Variants in GUCA1C observed in about 807,000 individuals in gnomAD.
GUCA1C encodes the protein guanylyl cyclase-activating protein 3.
Under a neutral mutation model 16.2 loss-of-function variants are expected in GUCA1C, and 15 were observed. The ratio of observed to expected loss-of-function variants is 0.93; its 90% CI spans 0.62 to 1.43. The LOEUF (loss-of-function observed/expected upper bound fraction) is 1.43. GUCA1C is among the 40% of genes most tolerant of loss of function. GUCA1C has a pLI of 0.00. For synonymous variants in GUCA1C, 78 were observed against 85.4 expected (o/e 0.91, Z 0.48); for missense variants, 275 against 244.8 (o/e 1.12, Z -0.82).
rs115133110 is a variant in GUCA1C at position 108,944,582 on chromosome 3, G to A, written c.204+8977C>T. Among the ~76,000 whole-genome samples the A allele has an allele frequency of 3.1e-3, 471 of 152,294 alleles. 8 individuals are homozygous for A. The highest frequency in any genetic ancestry group is 0.011 in the African/African-American group (460 of 41,548). ...CAGCCCGCCACCACTGGGCCATGCA[G>A]TTATGTTGTGCAGCCCCTGCCACTG... On this transcript the variant is annotated intron_variant, in intron 1 of 3. Coordinates refer to ENST00000261047, the MANE Select transcript of GUCA1C (RefSeq NM_005459.4).
intron 1 of GUCA1C, 59 bp downstream of exon 1, chr3:108,953,500 A>G: frequency 1.7e-6 from 2 of 1,154,928 alleles, no homozygotes; most frequent in Admixed American, 2.0e-5. Context: ...AAAAAAAAAA[A>G]AAGGGAAGAG....
chr3:108,927,120 CT>C (rs1471550855), intron 1 of GUCA1C, among the ~76,000 whole-genome samples: 3 of 152,172 alleles, frequency 2.0e-5, no homozygotes, highest in Non-Finnish European at 4.4e-5. Flanking sequence ...TAGATTTTCC[CT>C]TATAGGTTGC....
At chr3:108,919,781 C>T (rs369803670) in intron 2 of GUCA1C, among the ~76,000 whole-genome samples, 2 of 152,240 alleles carry the variant, frequency 1.3e-5, no homozygotes, top group East Asian at 3.9e-4. Context: ...AATTCTAATG[C>T]TCTTTGAGTC....
At chr3:108,927,465 G>A (rs1418443743) in intron 1 of GUCA1C, among the ~76,000 whole-genome samples, 1 of 140,038 alleles carries the variant, frequency 7.1e-6, no homozygotes, top group East Asian at 2.0e-4. Flanking sequence ...GACTGATTGG[G>A]TTAATTCAAA....
intron 2 of GUCA1C, among the ~76,000 whole-genome samples, chr3:108,919,760 C>T (rs12633574): frequency 6.6e-6 from 1 of 152,110 alleles, no homozygotes; most frequent in Non-Finnish European, 1.5e-5. Context: ...CAGATCATTT[C>T]TAAGACATCT....
At chr3:108,951,337 A>C (rs1946893995) in intron 1 of GUCA1C, among the ~76,000 whole-genome samples, 1 of 152,208 alleles carries the variant, frequency 6.6e-6, no homozygotes, top group South Asian at 2.1e-4. Context: ...ATGGATGTTA[A>C]TTTGCTTCAT....
chr3:108,954,237 C>A (rs1946927855), upstream of GUCA1C, among the ~76,000 whole-genome samples: 2 of 151,994 alleles, frequency 1.3e-5, no homozygotes, highest in African/African-American at 4.8e-5. Flanking sequence ...AAAGTTTCTG[C>A]CTTTTCATAC....
chr3:108,948,621 T>C (rs1228820220), intron 1 of GUCA1C, among the ~76,000 whole-genome samples: 1 of 152,196 alleles, frequency 6.6e-6, no homozygotes, highest in Non-Finnish European at 1.5e-5. Context: ...GCTCGATAAT[T>C]TCCTCTCAGA....
intron 2 of GUCA1C, among the ~76,000 whole-genome samples, chr3:108,916,463 T>C (rs1438071396): frequency 6.6e-6 from 1 of 152,148 alleles, no homozygotes; most frequent in Non-Finnish European, 1.5e-5. Flanking sequence ...ATTCAACATA[T>C]TAGATCACAA....
At chr3:108,920,868 C>A (rs1300532492) in intron 1 of GUCA1C, among the ~76,000 whole-genome samples, 1 of 152,114 alleles carries the variant, frequency 6.6e-6, no homozygotes, top group Non-Finnish European at 1.5e-5. Flanking sequence ...CCTGTATACT[C>A]CCCGTCCCCA....
At chr3:108,942,422 G>C (rs963620520) in intron 1 of GUCA1C, among the ~76,000 whole-genome samples, 5 of 152,082 alleles carry the variant, frequency 3.3e-5, no homozygotes, top group African/African-American at 9.7e-5. Flanking sequence ...TGCTTATACT[G>C]TCTTGCTTTA....
intron 1 of GUCA1C, among the ~76,000 whole-genome samples, chr3:108,922,563 G>A (rs1267969376): frequency 1.3e-5 from 2 of 151,854 alleles, no homozygotes; most frequent in Admixed American, 1.3e-4. Context: ...TTGCATTGTG[G>A]TTTTGATTTA....
chr3:108,952,236 G>C (rs1310899557), intron 1 of GUCA1C, among the ~76,000 whole-genome samples: 5 of 152,190 alleles, frequency 3.3e-5, no homozygotes, highest in Admixed American at 1.3e-4. Flanking sequence ...GACATACACA[G>C]GGAGAGGCAA....
intron 1 of GUCA1C, among the ~76,000 whole-genome samples, chr3:108,929,946 A>G (rs1157607649): frequency 6.6e-6 from 1 of 152,216 alleles, no homozygotes; most frequent in Admixed American, 6.5e-5. Context: ...GTATTCATCA[A>G]TCTTGGAGAA....
At chr3:108,913,919 A>G (rs1946482430) in intron 3 of GUCA1C, among the ~76,000 whole-genome samples, 1 of 152,066 alleles carries the variant, frequency 6.6e-6, no homozygotes, top group African/African-American at 2.4e-5. Context: ...TACAAAAATT[A>G]GCTGGGCATG....
At chr3:108,954,735 CTTTTTTT>C (rs35104093), upstream of GUCA1C, among the ~76,000 whole-genome samples, 2 of 129,308 alleles carry the variant, frequency 1.5e-5, no homozygotes, top group Non-Finnish European at 3.2e-5. Context: ...TATAGTTCTC[CTTTTTTT>C]TTTTTTTTTT....
chr3:108,920,735 TA>T (rs1034871065), intron 1 of GUCA1C, 150 bp from the exon 2 acceptor site: 143 of 562,072 alleles, frequency 2.5e-4, no homozygotes, highest in African/African-American at 1.0e-3. Context: ...GTGTTTCATT[TA>T]AAAAAAAGTT....
chr3:108,920,703 T>G, intron 1 of GUCA1C, 118 bp from the exon 2 acceptor site: 2 of 586,126 alleles, frequency 3.4e-6, no homozygotes, highest in Non-Finnish European at 5.8e-6. Context: ...TCCATAAGAT[T>G]TCAGCATAAA....
At chr3:108,912,078 C>T (rs1051279624) in intron 3 of GUCA1C, among the ~76,000 whole-genome samples, 1 of 90,356 alleles carries the variant, frequency 1.1e-5, no homozygotes, top group African/African-American at 3.8e-5. Context: ...GCACTCCAGC[C>T]TGGTGACAGA....
Sources: gnomAD v4.1 joint callset for allele counts (sites outside exome capture counted in the v4.1 genomes callset) on GRCh38, gnomAD v4.1.1 for gene constraint, MANE v1.5 for transcripts, NCBI Gene and HGNC (gene_info 2026-07-23, HGNC 2026-07-21) for gene names.